CNGA3: variants seen among roughly 807,000 people sequenced by gnomAD.
The protein encoded by CNGA3 is cyclic nucleotide-gated channel alpha-3.
CNGA3 carries 42 observed loss-of-function variants against 46.6 expected under a neutral mutation model. The ratio of observed to expected loss-of-function variants is 0.90; its 90% CI spans 0.70 to 1.17. CNGA3 has a LOEUF of 1.17. CNGA3 is among the 50% of genes most tolerant of loss of function. The pLI is 0.00. For missense variants in CNGA3, 893 were observed against 890.7 expected (o/e 1.00, Z -0.03); for synonymous variants, 394 against 369.4 (o/e 1.07, Z -0.76).
chr2:98,382,048 GA>G (rs1011528498), intron 4 of CNGA3, among the ~76,000 whole-genome samples: 20 of 152,086 alleles, frequency 1.3e-4, no homozygotes, highest in African/African-American at 4.8e-4. Context: ...GATGGGACCA[GA>G]CAAATGGAGG....
chr2:98,381,062 A>G (rs1392486501), intron 4 of CNGA3, among the ~76,000 whole-genome samples: 1 of 152,182 alleles, frequency 6.6e-6, no homozygotes, highest in African/African-American at 2.4e-5. Flanking sequence ...ACACACAGAC[A>G]CAGGGCTGCT....
chr2:98,376,718 A>T (rs924238368), intron 2 of CNGA3, among the ~76,000 whole-genome samples: 1 of 152,152 alleles, frequency 6.6e-6, no homozygotes, highest in Non-Finnish European at 1.5e-5. Flanking sequence ...TTGGGTTGGA[A>T]CAGGTCATGT....
intron 2 of CNGA3, among the ~76,000 whole-genome samples, chr2:98,371,017 GT>G (rs1692274138): frequency 6.6e-6 from 1 of 152,004 alleles, no homozygotes; most frequent in Non-Finnish European, 1.5e-5. Context: ...TAGAGACAGG[GT>G]TTTGCCATGT....
chr2:98,397,334 C>T lies in CNGA3; in HGVS notation c.*79C>T. On this transcript the variant is annotated 3_prime_UTR_variant, in exon 8 of 8. Coordinates refer to ENST00000272602, the MANE Select transcript of CNGA3 (RefSeq NM_001298.3). ...GTGGCCGCAGCTGTGTGGCATGGAA[C>T]TTGGTCAGGGTTGAATTCCAGCTCT... is the stretch of plus-strand genomic sequence containing the variant. 4 of 1,443,814 alleles carry T rather than the reference C, an allele frequency of 2.8e-6. No individual in the cohort carries two copies. The highest frequency in any genetic ancestry group is 2.0e-4 in the Middle Eastern group (1 of 4,918). The allele number at this position is 1,443,814 out of a possible 1,614,324, so 89.4% of individuals were successfully genotyped here. A position where few individuals can be genotyped will look rare whatever the true frequency, so the allele number is the denominator to read the frequency against.
At position 98,396,128 on chromosome 2, in the gene CNGA3, A is replaced by C. The variant is rs1227670242; in HGVS notation, c.958A>C (p.Ile320Leu). 1 of 1,614,112 alleles carries C rather than the reference A, an allele frequency of 6.2e-7. No homozygotes were observed. Among genetic ancestry groups the C allele is most frequent in the East Asian group, 2.2e-5 (1 of 44,896 alleles). The change falls in exon 8 of 8, where the codon ATC becomes CTC. Residue 320 changes from isoleucine (I) to leucine (L), a missense_variant. Coordinates refer to ENST00000272602, the MANE Select transcript of CNGA3 (RefSeq NM_001298.3). Reference protein sequence around the residue: ...ILIIIHWNACIYFAISKFIGF... With the variant: ...ILIIIHWNACLYFAISKFIGF... ...CATCATCATCCACTGGAATGCCTGC[A>C]TCTACTTTGCCATTTCCAAGTTCAT...
At chr2:98,378,260 G>A (rs1038764428) in intron 3 of CNGA3, 4 of 1,528,630 alleles carry the variant, frequency 2.6e-6, no homozygotes, top group Non-Finnish European at 2.6e-6. Flanking sequence ...TGCAAGATTA[G>A]TGAGACTCCA....
In CNGA3 at chr2:98,380,180, C is replaced by T. The variant is rs566717145; in HGVS notation, c.221C>T (p.Ser74Leu). The T allele has an allele frequency of 4.3e-6, 7 of 1,614,090 alleles. No homozygotes were observed. Among genetic ancestry groups the T allele is most frequent in the African/African-American group, 2.7e-5 (2 of 75,060 alleles). The change falls in exon 4 of 8, where the codon TCG becomes TTG. Residue 74 changes from serine to leucine, a missense_variant. Transcript: ENST00000272602. ...SFTGQGIARL[S>L]RLIFLLRRWA... Reference sequence around the variant, plus strand: ...GTGCTTGTGTCACCTTCCAGGCTGTCGCGCCTCATCTTCTTGCTGCGCAGG... The same window carrying T: ...GTGCTTGTGTCACCTTCCAGGCTGTTGCGCCTCATCTTCTTGCTGCGCAGG...
chr2:98,390,795 A>G (rs865833407), intron 6 of CNGA3, among the ~76,000 whole-genome samples: 3 of 152,146 alleles, frequency 2.0e-5, no homozygotes, highest in Non-Finnish European at 2.9e-5. Context: ...CAGGACACCA[A>G]TGCAGGGTAC....
At chr2:98,373,876 T>C (rs2104186643) in intron 2 of CNGA3, among the ~76,000 whole-genome samples, 1 of 152,272 alleles carries the variant, frequency 6.6e-6, no homozygotes, top group South Asian at 2.1e-4. Context: ...AGAGTGGTCT[T>C]CTTGTGTTAC....
intron 2 of CNGA3, among the ~76,000 whole-genome samples, chr2:98,376,826 T>C (rs1214614874): frequency 1.3e-5 from 2 of 152,188 alleles, no homozygotes; most frequent in African/African-American, 4.8e-5. Flanking sequence ...ATCAGGCTGA[T>C]CAAACTTCAG....
intron 1 of CNGA3, chr2:98,346,959 A>G (rs1339363200): frequency 6.6e-6 from 1 of 151,996 alleles, no homozygotes; most frequent in African/African-American, 2.4e-5. Flanking sequence ...ACCCCACCCC[A>G]TACATTTCCT....
chr2:98,376,793 G>A (rs1425715383), intron 2 of CNGA3, among the ~76,000 whole-genome samples: 2 of 152,226 alleles, frequency 1.3e-5, no homozygotes, highest in Non-Finnish European at 2.9e-5. Context: ...AATCCCTAGA[G>A]GCTAATGCCT....
At chr2:98,383,302 G>C in intron 4 of CNGA3, 86 bp from the exon 5 acceptor site, 1 of 1,243,672 alleles carries the variant, frequency 8.0e-7, no homozygotes, top group South Asian at 1.2e-5. Flanking sequence ...GGATTGGGGG[G>C]TGGGGCATGG....
In CNGA3 at chr2:98,391,923, C is replaced by T. The variant is rs533596832; in HGVS notation, c.626C>T (p.Ser209Leu). 141 of 1,614,132 alleles carry T rather than the reference C, an allele frequency of 8.7e-5. 1 individual carries two copies. In the South Asian group the frequency reaches 1.3e-3, roughly 14 times the overall value. Reference protein sequence around the residue: ...YLMLWLVLDYSADVLYVLDVL... With the variant: ...YLMLWLVLDYLADVLYVLDVL... ...ATGCTGTGGCTGGTCCTGGACTACT[C>T]GGCAGATGTCCTGTATGTCTTGGAT... is the stretch of plus-strand genomic sequence containing the variant. Residue 209 changes from serine to leucine, a missense_variant, in exon 7 of 8, where the codon TCG becomes TTG. This residue lies in a region of CNGA3 where 333 missense variants were observed against 290.8 expected (regional missense o/e 1.15). Transcript: ENST00000272602.
intron 1 of CNGA3, among the ~76,000 whole-genome samples, chr2:98,349,202 G>T (rs1691717574): frequency 6.6e-6 from 1 of 152,092 alleles, no homozygotes; most frequent in East Asian, 1.9e-4. Flanking sequence ...TGAAAGGGAG[G>T]CTGGAAAATG....
chr2:98,366,200 C>G (rs1692145719), intron 1 of CNGA3, among the ~76,000 whole-genome samples: 1 of 152,210 alleles, frequency 6.6e-6, no homozygotes, highest in South Asian at 2.1e-4. Context: ...CCCCATTCAC[C>G]TGGATCCCTC....
intron 1 of CNGA3, among the ~76,000 whole-genome samples, chr2:98,356,721 C>A (rs555324776): frequency 9.7e-4 from 148 of 152,180 alleles, no homozygotes; most frequent in African/African-American, 3.3e-3. Context: ...GTTCAGGTCA[C>A]AATAAAAAAG....
At chr2:98,352,035 C>A (rs1691779890) in intron 1 of CNGA3, among the ~76,000 whole-genome samples, 2 of 152,158 alleles carry the variant, frequency 1.3e-5, no homozygotes. Flanking sequence ...CACTCCTGCT[C>A]CAGGCAACCT....
intron 5 of CNGA3, among the ~76,000 whole-genome samples, chr2:98,387,867 G>A (rs1230929728): frequency 6.6e-6 from 1 of 152,190 alleles, no homozygotes; most frequent in African/African-American, 2.4e-5. Context: ...CGGAGAGCCT[G>A]GCGTGGGATT....
Sources: gnomAD v4.1 joint callset for allele counts (sites outside exome capture counted in the v4.1 genomes callset) on GRCh38, gnomAD v4.1.1 for gene constraint, gnomAD v4.1.1 regional missense constraint, MANE v1.5 for transcripts, NCBI Gene and HGNC (gene_info 2026-07-23, HGNC 2026-07-21) for gene names.